Variants in PTPRD observed in about 807,000 individuals in gnomAD.
PTPRD encodes the protein receptor-type tyrosine-protein phosphatase delta.
A neutral mutation model predicts 214.5 loss-of-function variants in PTPRD; 34 were observed. That is an observed-to-expected ratio of 0.16 (90% CI 0.12 to 0.21). The LOEUF is 0.21. Among genes scored for constraint, PTPRD ranks in the 10% least tolerant of loss-of-function variants. The probability of loss-of-function intolerance (pLI) is 1.00; values close to 1 mark genes in which losing one functional copy is unlikely to be tolerated. For synonymous variants in PTPRD, 1,128 were observed against 845.7 expected, an observed-to-expected ratio of 1.33 and a Z score of -5.79; for missense variants, 2,545 against 2,398.7, an observed-to-expected ratio of 1.06 and a Z score of -1.27.
At chr9:9,102,030 T>C (rs916022016) in intron 10 of PTPRD, among the ~76,000 whole-genome samples, 2 of 152,188 alleles carry the variant, frequency 1.3e-5, no homozygotes, top group Admixed American at 6.6e-5. Flanking sequence ...TGATCAAAAA[T>C]GGACCATCTG....
At chr9:8,381,833 A>C (rs2085186006) in intron 37 of PTPRD, among the ~76,000 whole-genome samples, 1 of 152,152 alleles carries the variant, frequency 6.6e-6, no homozygotes, top group Admixed American at 6.6e-5. Flanking sequence ...AACTTTTCCA[A>C]TGACTTCCCC....
intron 4 of PTPRD, among the ~76,000 whole-genome samples, chr9:9,941,160 G>A (rs1030358135): frequency 5.3e-5 from 8 of 152,162 alleles, no homozygotes; most frequent in Non-Finnish European, 8.8e-5. Flanking sequence ...GTCCTGGGCC[G>A]CATGCTGCCT....
intron 9 of PTPRD, among the ~76,000 whole-genome samples, chr9:9,224,092 C>T (rs946538004): frequency 6.6e-6 from 1 of 151,882 alleles, no homozygotes; most frequent in Non-Finnish European, 1.5e-5. Flanking sequence ...CAAAGATTAA[C>T]TTTAGAAGGA....
At chr9:9,087,551 G>A (rs1303519244) in intron 10 of PTPRD, among the ~76,000 whole-genome samples, 1 of 152,102 alleles carries the variant, frequency 6.6e-6, no homozygotes, top group African/African-American at 2.4e-5. Flanking sequence ...GAAACATACA[G>A]AGAAGTGATT....
At chr9:8,485,700 T>C (rs1211943871) in intron 28 of PTPRD, 62 bp downstream of exon 28, 1 of 1,398,604 alleles carries the variant, frequency 7.1e-7, no homozygotes, top group Non-Finnish European at 9.7e-7. Flanking sequence ...AGCTTCAAAA[T>C]ACTGATTTCC....
chr9:8,631,047 T>G (rs1216344516), intron 14 of PTPRD, among the ~76,000 whole-genome samples: 2 of 151,884 alleles, frequency 1.3e-5, no homozygotes, highest in Non-Finnish European at 2.9e-5. Flanking sequence ...AGATTAAAAT[T>G]TTTAAAGCAG....
intron 11 of PTPRD, among the ~76,000 whole-genome samples, chr9:8,745,724 T>C (rs536266564): frequency 8.5e-5 from 13 of 152,202 alleles, no homozygotes; most frequent in African/African-American, 3.1e-4. Context: ...AGACACATGT[T>C]TATACCACCT....
At chr9:9,754,103 T>C (rs559653839) in intron 6 of PTPRD, among the ~76,000 whole-genome samples, 1 of 152,224 alleles carries the variant, frequency 6.6e-6, no homozygotes, top group African/African-American at 2.4e-5. Context: ...ATATTAAATA[T>C]GCTCAGTAAA....
chr9:9,797,609 G>C (rs758289805), intron 5 of PTPRD, among the ~76,000 whole-genome samples: 23 of 152,160 alleles, frequency 1.5e-4, no homozygotes, highest in Non-Finnish European at 2.9e-4. Context: ...ACTTTGGGAG[G>C]CTGAGGCGTG....
intron 2 of PTPRD, among the ~76,000 whole-genome samples, chr9:10,448,607 T>A (rs1457424074): frequency 1.3e-5 from 2 of 152,074 alleles, no homozygotes; most frequent in Non-Finnish European, 2.9e-5. Context: ...ATGATTTGTA[T>A]GATTTGATCC....
chr9:8,985,392 T>C (rs1231548326), intron 11 of PTPRD, among the ~76,000 whole-genome samples: 6 of 152,060 alleles, frequency 3.9e-5, no homozygotes, highest in Non-Finnish European at 7.4e-5. Flanking sequence ...TAATAAATTA[T>C]TGAATAACCA....
At chr9:8,933,339 G>GTTTTTTTTT (rs1567089304) in intron 11 of PTPRD, among the ~76,000 whole-genome samples, 3 of 68,828 alleles carry the variant, frequency 4.4e-5, no homozygotes, top group Non-Finnish European at 4.8e-5. Flanking sequence ...ACAACCTTGA[G>GTTTTTTTTT]GTTTTTTTTT....
intron 3 of PTPRD, among the ~76,000 whole-genome samples, chr9:10,150,351 G>C (rs572494105): frequency 6.6e-6 from 1 of 152,260 alleles, no homozygotes; most frequent in Non-Finnish European, 1.5e-5. Flanking sequence ...ATGAGTTCAT[G>C]TCCTTTGTAG....
At chr9:8,360,096 AAAT>A (rs2078094324) in intron 39 of PTPRD, among the ~76,000 whole-genome samples, 1 of 152,238 alleles carries the variant, frequency 6.6e-6, no homozygotes, top group Non-Finnish European at 1.5e-5. Context: ...TTCTTAGATA[AAAT>A]GACGAGATAT....
At chr9:9,798,923 T>C (rs767321667) in intron 5 of PTPRD, among the ~76,000 whole-genome samples, 1 of 152,130 alleles carries the variant, frequency 6.6e-6, no homozygotes, top group African/African-American at 2.4e-5. Flanking sequence ...AATGTTTTGG[T>C]TTTTCTTTTA....
intron 14 of PTPRD, among the ~76,000 whole-genome samples, chr9:8,609,656 A>G (rs1371754906): frequency 6.6e-6 from 1 of 152,190 alleles, no homozygotes; most frequent in East Asian, 1.9e-4. Flanking sequence ...TAAAAATTAT[A>G]AATCAACACA....
intron 3 of PTPRD, among the ~76,000 whole-genome samples, chr9:10,287,901 C>T (rs1323499): frequency 0.27 from 41,651 of 151,710 alleles, 6,670 homozygotes; most frequent in African/African-American, 0.43. Context: ...GTTTTCTCTC[C>T]TAAGAGACAT....
chr9:9,965,993 GCA>G (rs1412355814), intron 4 of PTPRD, among the ~76,000 whole-genome samples: 3 of 152,160 alleles, frequency 2.0e-5, no homozygotes, highest in Non-Finnish European at 2.9e-5. Context: ...CTAAAAGCAA[GCA>G]CAAAAAGTCA....
At chr9:8,395,020 A>T (rs934693475) in intron 36 of PTPRD, among the ~76,000 whole-genome samples, 2 of 152,212 alleles carry the variant, frequency 1.3e-5, no homozygotes, top group South Asian at 4.1e-4. Flanking sequence ...CACTACAGAG[A>T]TGGAGATGGA....
Sources: gnomAD v4.1 joint callset for allele counts (sites outside exome capture counted in the v4.1 genomes callset) on GRCh38, gnomAD v4.1.1 for gene constraint, MANE v1.5 for transcripts, NCBI Gene and HGNC (gene_info 2026-07-23, HGNC 2026-07-21) for gene names.